SH3GL3: variants seen among roughly 807,000 people sequenced by gnomAD.
SH3GL3 encodes endophilin-A3.
A neutral mutation model predicts 47.7 loss-of-function variants in SH3GL3; 33 were observed. The observed-to-expected ratio is 0.69, with a 90% CI of 0.52 to 0.92. The LOEUF is 0.92. Among genes scored for constraint, SH3GL3 ranks in the 40% least tolerant of loss-of-function variants. The pLI is 0.00. For missense variants in SH3GL3, 363 were observed against 417.8 expected (o/e 0.87, Z 1.14); for synonymous variants, 155 against 148.8 (o/e 1.04, Z -0.30).
chr15:83,464,988 TATAATAATAATA>T (rs143393694), intron 1 of SH3GL3, among the ~76,000 whole-genome samples: 165 of 141,530 alleles, frequency 1.2e-3, no homozygotes, highest in African/African-American at 3.3e-3. Context: ...GAACTTAAAG[TATAATAATAATA>T]ATAATAATAA....
intron 6 of SH3GL3, among the ~76,000 whole-genome samples, chr15:83,577,317 A>T (rs2059709731): frequency 6.6e-6 from 1 of 152,212 alleles, no homozygotes; most frequent in South Asian, 2.1e-4. Flanking sequence ...CTTGCTCTAA[A>T]GCCTTAGTTG....
chr15:83,557,560 C>T (rs1440265553), intron 1 of SH3GL3, among the ~76,000 whole-genome samples: 1 of 152,226 alleles, frequency 6.6e-6, no homozygotes, highest in Admixed American at 6.5e-5. Flanking sequence ...GCAGATGGGG[C>T]TGATCTCAGC....
intron 1 of SH3GL3, among the ~76,000 whole-genome samples, chr15:83,479,760 G>A (rs2041260704): frequency 6.6e-6 from 1 of 152,106 alleles, no homozygotes; most frequent in Non-Finnish European, 1.5e-5. Context: ...CCATCAGTGG[G>A]GCACTGACAG....
At chr15:83,621,005 A>T (rs930954870), downstream of SH3GL3, among the ~76,000 whole-genome samples, 1 of 152,166 alleles carries the variant, frequency 6.6e-6, no homozygotes, top group Admixed American at 6.5e-5. Context: ...AAACCTCATG[A>T]ACCCACCCCT....
chr15:83,623,870 C>A, the SH3GL3 span, among the ~76,000 whole-genome samples: 1 of 152,134 alleles, frequency 6.6e-6, no homozygotes, highest in African/African-American at 2.4e-5. Flanking sequence ...ACTGCAACCT[C>A]CGCTTCCTGG....
intron 1 of SH3GL3, among the ~76,000 whole-genome samples, chr15:83,531,389 G>A (rs1262799072): frequency 6.6e-6 from 1 of 152,176 alleles, no homozygotes; most frequent in African/African-American, 2.4e-5. Flanking sequence ...CTGTGTAGGA[G>A]TTAGCTATAT....
In SH3GL3 at chr15:83,459,938, TC is replaced by T. The variant is rs1230519327; in HGVS notation, c.45+12367del. Among the ~76,000 whole-genome samples, 8 of 149,644 alleles carry T rather than the reference TC, an allele frequency of 5.3e-5. No homozygotes were observed. The East Asian group carries it at 7.9e-4, about 15-fold the overall frequency. ...TTTTTCATCAGTTCCTGTGGCTGTT[TC>T]CCCCCCACCCCCAGTTCTCACCCTG... On this transcript the variant is annotated intron_variant, in intron 1 of 8. Coordinates refer to ENST00000427482, the MANE Select transcript of SH3GL3 (RefSeq NM_003027.5).
chr15:83,541,312 ATTTTTTTTTTTTTT>A (rs71156085), intron 1 of SH3GL3, among the ~76,000 whole-genome samples: 98 of 47,350 alleles, frequency 2.1e-3, no homozygotes, highest in East Asian at 0.01. Context: ...TGGTAATTCT[ATTTTTTTTTTTTTT>A]TTTTTTTTTT....
chr15:83,483,120 A>G (rs1228057181), intron 1 of SH3GL3, among the ~76,000 whole-genome samples: 1 of 152,132 alleles, frequency 6.6e-6, no homozygotes, highest in Non-Finnish European at 1.5e-5. Context: ...ATGTTGGATT[A>G]TTTTCTCCTA....
intron 6 of SH3GL3, among the ~76,000 whole-genome samples, chr15:83,577,735 G>C (rs1338627218): frequency 6.6e-6 from 1 of 152,154 alleles, no homozygotes; most frequent in Non-Finnish European, 1.5e-5. Flanking sequence ...TTTATCCCAG[G>C]ATTGCTTCAG....
chr15:83,465,803 G>A (rs966825418), intron 1 of SH3GL3, among the ~76,000 whole-genome samples: 1 of 151,928 alleles, frequency 6.6e-6, no homozygotes, highest in African/African-American at 2.4e-5. Context: ...TTTATTCTAT[G>A]TGCTTTTAAT....
intron 1 of SH3GL3, among the ~76,000 whole-genome samples, chr15:83,523,963 AAAAACAG>A (rs1431399798): frequency 2.0e-5 from 3 of 152,124 alleles, no homozygotes; most frequent in Middle Eastern, 6.8e-3. Context: ...AAAAAAAAAA[AAAAACAG>A]ACAGCAAAAA....
intron 1 of SH3GL3, among the ~76,000 whole-genome samples, chr15:83,474,937 G>A (rs993997557): frequency 6.6e-6 from 1 of 152,026 alleles, no homozygotes; most frequent in Admixed American, 6.6e-5. Flanking sequence ...GCTGAGCAAA[G>A]GCTGGCAAGA....
chr15:83,633,672 C>T, the SH3GL3 span, among the ~76,000 whole-genome samples: 11 of 152,172 alleles, frequency 7.2e-5, no homozygotes, highest in African/African-American at 1.7e-4. Flanking sequence ...ACCTGCTTGC[C>T]GTTTCCTCTG....
intron 1 of SH3GL3, among the ~76,000 whole-genome samples, chr15:83,477,863 A>G (rs1430665352): frequency 6.6e-6 from 1 of 152,188 alleles, no homozygotes; most frequent in African/African-American, 2.4e-5. Flanking sequence ...AGAAGACCGC[A>G]TAGATTTTGC....
chr15:83,560,421 T>A (rs1309722244), intron 2 of SH3GL3, among the ~76,000 whole-genome samples: 1 of 152,220 alleles, frequency 6.6e-6, no homozygotes, highest in African/African-American at 2.4e-5. Flanking sequence ...TTTCTGAACC[T>A]TAAAACCATG....
intron 1 of SH3GL3, among the ~76,000 whole-genome samples, chr15:83,506,279 A>AT (rs1256754416): frequency 2.0e-5 from 3 of 151,886 alleles, no homozygotes; most frequent in Non-Finnish European, 2.9e-5. Context: ...TGGTTATAAC[A>AT]TTTTTTTTCC....
intron 2 of SH3GL3, among the ~76,000 whole-genome samples, chr15:83,563,278 T>C (rs1354619433): frequency 6.6e-6 from 1 of 152,236 alleles, no homozygotes; most frequent in African/African-American, 2.4e-5. Flanking sequence ...CTTGGATGTT[T>C]CATAATTTAT....
At chr15:83,564,020 C>A (rs564596067) in intron 2 of SH3GL3, among the ~76,000 whole-genome samples, 1 of 152,246 alleles carries the variant, frequency 6.6e-6, no homozygotes, top group East Asian at 1.9e-4. Context: ...TATGTCTTTT[C>A]ATGTTCAGTT....
Sources: gnomAD v4.1 joint callset for allele counts (sites outside exome capture counted in the v4.1 genomes callset) on GRCh38, gnomAD v4.1.1 for gene constraint, MANE v1.5 for transcripts, NCBI Gene and HGNC (gene_info 2026-07-23, HGNC 2026-07-21) for gene names.